The following SNX27 variants were observed in gnomAD, a reference collection of about 807,000 sequenced individuals.
The protein encoded by SNX27 is sorting nexin-27.
A neutral mutation model predicts 71.6 loss-of-function variants in SNX27; 22 were observed. The observed-to-expected ratio is 0.31, with a 90% CI of 0.22 to 0.44. The LOEUF is 0.44. Ranked by LOEUF, SNX27 falls within the 20% of genes least tolerant of loss-of-function variation. The probability of loss-of-function intolerance (pLI) is 1.00; values close to 1 mark genes in which losing one functional copy is unlikely to be tolerated. For synonymous variants in SNX27, 269 were observed against 277.2 expected (o/e 0.97, Z 0.29); for missense variants, 531 against 698.6 (o/e 0.76, Z 2.70).
chr1:151,645,806 A>C (rs575041518), intron 2 of SNX27, among the ~76,000 whole-genome samples: 1 of 152,360 alleles, frequency 6.6e-6, no homozygotes, highest in South Asian at 2.1e-4. Context: ...TTAATGCAGG[A>C]GTGTACCCCA....
intron 3 of SNX27, among the ~76,000 whole-genome samples, chr1:151,659,188 C>G (rs1274617284): frequency 6.6e-6 from 1 of 152,050 alleles, no homozygotes; most frequent in Non-Finnish European, 1.5e-5. Context: ...CTAGAGTGCC[C>G]TTGTTCTAAG....
In SNX27 at chr1:151,692,439, T is replaced by TTAAAA; in HGVS notation, c.1244_1245insTAAAA (p.Asn416LysfsTer5). On this transcript the variant is annotated frameshift_variant, in exon 9 of 12. Coordinates refer to ENST00000458013, the MANE Select transcript of SNX27 (RefSeq NM_001330723.2). LOFTEE classifies it high-confidence loss of function. ...TTTTTTTTTTTTTTTTTTTAGTACC[T>TTAAAA]CAACATGCTAAGGACTTGTGAGGGC... 1 of 506,042 alleles carries TTAAAA rather than the reference T, an allele frequency of 2.0e-6. No individual in the cohort carries two copies. The highest frequency in any genetic ancestry group is 3.5e-6 in the Non-Finnish European group (1 of 289,388). The allele number at this position is 506,042 out of a possible 1,614,324, so 31.3% of individuals were successfully genotyped here.
intron 2 of SNX27, among the ~76,000 whole-genome samples, chr1:151,657,535 G>T (rs527374945): frequency 6.6e-6 from 1 of 152,168 alleles, no homozygotes; most frequent in South Asian, 2.1e-4. Flanking sequence ...GGCCACACAC[G>T]AGTATCAGTT....
chr1:151,693,254 A>G (rs1671540798), intron 10 of SNX27, 170 bp from the exon 11 acceptor site: 3 of 890,428 alleles, frequency 3.4e-6, no homozygotes, highest in Admixed American at 2.6e-5. Flanking sequence ...TTACCACTAG[A>G]AGGAGCTAGA....
chr1:151,666,678 AT>A (rs1670202115), intron 6 of SNX27: 1 of 152,172 alleles, frequency 6.6e-6, no homozygotes, highest in Admixed American at 6.5e-5. Flanking sequence ...TATAGATAAT[AT>A]TGGTTGATTA....
At chr1:151,624,687 C>T (rs1188488975) in intron 1 of SNX27, among the ~76,000 whole-genome samples, 2 of 152,042 alleles carry the variant, frequency 1.3e-5, no homozygotes, top group East Asian at 3.9e-4. Context: ...CTACCTCGGC[C>T]TCCCAAAAAG....
rs199982887 is a variant in SNX27, at chr1:151,694,423, C to T, written c.*6C>T. On this transcript the variant is annotated 3_prime_UTR_variant, in exon 12 of 12. Transcript: ENST00000458013. Reference sequence around the variant, plus strand: ...AGAGAGATGTGGCCACCTAGCCTTTCCTTATCCCCTTCCCTTCCCTTCACC... The same window carrying T: ...AGAGAGATGTGGCCACCTAGCCTTTTCTTATCCCCTTCCCTTCCCTTCACC... 288 of 1,550,062 alleles carry T rather than the reference C, an allele frequency of 1.9e-4. 4 individuals carry two copies. The Middle Eastern group carries it at 7.3e-3, about 39-fold the overall frequency.
chr1:151,625,534 A>G (rs1270874871), intron 1 of SNX27, among the ~76,000 whole-genome samples: 1 of 151,020 alleles, frequency 6.6e-6, no homozygotes, highest in Non-Finnish European at 1.5e-5. Context: ...ATAAAAAAAT[A>G]TTGGTATAAA....
chr1:151,651,110 T>C (rs1558053003), intron 2 of SNX27, among the ~76,000 whole-genome samples: 1 of 151,918 alleles, frequency 6.6e-6, no homozygotes, highest in East Asian at 1.9e-4. Context: ...CTCAATGAGC[T>C]GTTGGGCACA....
intron 2 of SNX27, among the ~76,000 whole-genome samples, chr1:151,639,708 T>G (rs1326665226): frequency 6.6e-6 from 1 of 152,246 alleles, no homozygotes; most frequent in Admixed American, 6.5e-5. Flanking sequence ...TCTGTTGCTG[T>G]TGTAGCTATG....
At chr1:151,639,855 T>G (rs1185064762) in intron 2 of SNX27, among the ~76,000 whole-genome samples, 3 of 152,220 alleles carry the variant, frequency 2.0e-5, no homozygotes, top group Non-Finnish European at 4.4e-5. Context: ...TTATTTGCCT[T>G]TAATTATTTG....
intron 2 of SNX27, among the ~76,000 whole-genome samples, chr1:151,649,680 C>T (rs1445552935): frequency 6.6e-6 from 1 of 152,102 alleles, no homozygotes; most frequent in Admixed American, 6.6e-5. Context: ...ATTATTTTAA[C>T]CCTCTCTGGC....
rs769862587 is a variant in SNX27 at position 151,695,126 on chromosome 1, C to G, written c.*709C>G. On this transcript the variant is annotated 3_prime_UTR_variant, in exon 12 of 12. Coordinates refer to ENST00000458013, the MANE Select transcript of SNX27 (RefSeq NM_001330723.2). ...ACAAGGAGTATAGTTTCTTTATCTT[C>G]CAAGAGGGTGCTGGGGAGGAGAAAG... is the stretch of plus-strand genomic sequence containing the variant. The G allele has an allele frequency of 1.4e-4, 21 of 152,492 alleles. No individual in the cohort carries two copies. The allele number at this position is 152,492 out of a possible 1,614,324, so 9.4% of individuals were successfully genotyped here.
At chr1:151,673,968 G>A (rs1670553330) in intron 7 of SNX27, among the ~76,000 whole-genome samples, 1 of 151,968 alleles carries the variant, frequency 6.6e-6, no homozygotes, top group Non-Finnish European at 1.5e-5. Flanking sequence ...CAGATCAGTG[G>A]TTCTTGTTTT....
At chr1:151,649,329 T>C (rs1669217313) in intron 2 of SNX27, among the ~76,000 whole-genome samples, 1 of 152,142 alleles carries the variant, frequency 6.6e-6, no homozygotes, top group East Asian at 1.9e-4. Context: ...TCCATTGTAA[T>C]CCCAGCACTT....
Position 151,692,475 on chromosome 1 carries a change from T to C in SNX27, c.1280T>C (p.Ile427Thr), listed in dbSNP as rs752731825. The C allele has an allele frequency of 1.5e-6, 2 of 1,301,810 alleles. No homozygotes were observed. 80.6% of individuals were successfully genotyped at this position (1,301,810 alleles called of 1,614,324 possible). ...AGGACTTGTGAGGGCTACAATGAAA[T>C]CATCTTTCCCCACTGTGCCTGTGAC... ...MLRTCEGYNE[I>T]IFPHCACDSR... The change falls in exon 9 of 12, where the codon ATC becomes ACC. Residue 427 changes from isoleucine to threonine, a missense_variant. Coordinates refer to ENST00000458013, the MANE Select transcript of SNX27 (RefSeq NM_001330723.2).
intron 7 of SNX27, chr1:151,676,746 T>C (rs1364794524): frequency 2.6e-5 from 4 of 152,200 alleles, no homozygotes; most frequent in South Asian, 4.1e-4. Context: ...TTTGTCACAA[T>C]ATTTTATTTT....
chr1:151,644,763 G>GATTT (rs965083621), intron 2 of SNX27, among the ~76,000 whole-genome samples: 7 of 151,938 alleles, frequency 4.6e-5, no homozygotes, highest in Non-Finnish European at 8.8e-5. Context: ...CATTTTGAGG[G>GATTT]ATTTATTTAT....
intron 5 of SNX27, among the ~76,000 whole-genome samples, chr1:151,665,545 A>G (rs1293403743): frequency 6.6e-6 from 1 of 152,128 alleles, no homozygotes; most frequent in Non-Finnish European, 1.5e-5. Flanking sequence ...ATATTTAAGA[A>G]TTTGTTTTCT....
Sources: allele counts gnomAD v4.1 joint callset (sites outside exome capture counted in the v4.1 genomes callset), GRCh38; gene constraint gnomAD v4.1.1; transcripts MANE v1.5; gene names NCBI Gene and HGNC (gene_info 2026-07-23, HGNC 2026-07-21).